PGAM5: variants seen among roughly 807,000 people sequenced by gnomAD.
PGAM5 encodes the protein serine/threonine-protein phosphatase PGAM5, mitochondrial.
Under a neutral mutation model 30.6 loss-of-function variants are expected in PGAM5, and 25 were observed. The observed-to-expected ratio is 0.82, with a 90% CI of 0.60 to 1.14. The LOEUF is 1.14. PGAM5 is among the 50% of genes most tolerant of loss of function. The probability of loss-of-function intolerance (pLI) is 0.00; values close to 1 mark genes in which losing one functional copy is unlikely to be tolerated. For synonymous variants in PGAM5, 201 were observed against 179.1 expected (o/e 1.12, Z -0.98); for missense variants, 384 against 408.5 (o/e 0.94, Z 0.52).
chr12:132,719,804 C>T (rs1006603834), intron 5 of PGAM5, among the ~76,000 whole-genome samples: 2 of 152,168 alleles, frequency 1.3e-5, no homozygotes, highest in Non-Finnish European at 2.9e-5. Flanking sequence ...TGAGACAGGG[C>T]GGTGGGTGGC....
Position 132,718,055 on chromosome 12 carries a change from G to A in PGAM5, c.654G>A (p.Arg218=), listed in dbSNP as rs550969856. 6.2e-7 allele frequency: 1 copy of A among 1,612,866 alleles called. No homozygotes were observed. Among genetic ancestry groups the A allele is most frequent in the East Asian group, 2.2e-5 (1 of 44,836 alleles). Reference sequence around the variant, plus strand: ...ACTACATCCACCGCGCAGATGCCAGGCAGGAGGAGGACAGTTACGAGATCT... The same window carrying A: ...ACTACATCCACCGCGCAGATGCCAGACAGGAGGAGGACAGTTACGAGATCT... ...FRNYIHRADA[R]QEEDSYEIFI... Residue 218 remains arginine, a synonymous_variant, in exon 5 of 6, where the codon AGG becomes AGA. Transcript: ENST00000498926.
intron 4 of PGAM5, 56 bp from the exon 5 acceptor site, chr12:132,717,931 T>C: frequency 1.9e-6 from 3 of 1,607,688 alleles, no homozygotes; most frequent in East Asian, 2.2e-5. Flanking sequence ...TCTGTCCTCC[T>C]GACACCCGCC....
rs772818115 is a variant in PGAM5 at position 132,714,893 on chromosome 12, G to A, written c.227G>A (p.Arg76Lys). 2 of 1,613,634 alleles carry A rather than the reference G, an allele frequency of 1.2e-6. No individual in the cohort carries two copies. The highest frequency in any genetic ancestry group is 1.3e-5 in the African/African-American group (1 of 74,940). ...EPLSLINVRK[R>K]NVESGEEELA... ...CTGTCTCTGATCAACGTGCGGAAGA[G>A]GAACGTGGAATCTGGGGAAGAAGAG... Residue 76 changes from arginine to lysine, a missense_variant, in exon 2 of 6, where the codon AGG (arginine) becomes AAG (lysine). By Grantham distance (26) the Arg-to-Lys change is conservative (BLOSUM62 2). Transcript: ENST00000498926.
chr12:132,715,128 G>T, intron 2 of PGAM5, 92 bp downstream of exon 2: 1 of 1,321,186 alleles, frequency 7.6e-7, no homozygotes, highest in East Asian at 2.5e-5. Context: ...CTGGGTGCAG[G>T]TCCTCCGCCG....
intron 5 of PGAM5, 74 bp from the exon 6 acceptor site, chr12:132,720,604 C>T: frequency 1.4e-6 from 2 of 1,462,634 alleles, no homozygotes; most frequent in Non-Finnish European, 1.8e-6. Flanking sequence ...CCATGCCCGG[C>T]CTAGCTCAGC....
At chr12:132,718,939 C>T in intron 5 of PGAM5, 6 of 1,540,238 alleles carry the variant, frequency 3.9e-6, no homozygotes, top group Non-Finnish European at 5.2e-6. Flanking sequence ...CCTCGGGGGG[C>T]CCTTGTCCCT....
chr12:132,711,496 A>T (rs1247974020), intron 1 of PGAM5: 2 of 152,648 alleles, frequency 1.3e-5, no homozygotes, highest in Non-Finnish European at 2.9e-5. Flanking sequence ...TTTAAACTTA[A>T]CGCAAGCAGG....
chr12:132,720,098 T>TGTCGATCCCAGTCATTGATTCAC (rs2136088109), intron 5 of PGAM5, among the ~76,000 whole-genome samples: 1 of 148,920 alleles, frequency 6.7e-6, no homozygotes, highest in Admixed American at 6.7e-5. Flanking sequence ...GCTCCATTCA[T>TGTCGATCCCAGTCATTGATTCAC]GTCGATCCCA....
In PGAM5 at chr12:132,720,903, C is replaced by A. The variant is rs963886162; in HGVS notation, c.*75C>A. 2 of 1,452,374 alleles carry A rather than the reference C, an allele frequency of 1.4e-6. No individual in the cohort carries two copies. The highest frequency in any genetic ancestry group is 1.8e-6 in the Non-Finnish European group (2 of 1,096,918). The allele number at this position is 1,452,374 out of a possible 1,614,324, so 90.0% of individuals were successfully genotyped here. A position where few individuals can be genotyped will look rare whatever the true frequency, so the allele number is the denominator to read the frequency against. ...CTTAACGTTTTGTTCCCAAGGAGAC[C>A]GGCGGAAAGTAGAAACCTGCAATGC... On this transcript the variant is annotated 3_prime_UTR_variant, in exon 6 of 6. Coordinates refer to ENST00000498926, the MANE Select transcript of PGAM5 (RefSeq NM_001170543.2).
chr12:132,722,134 AG>A lies in PGAM5; in HGVS notation c.*1307del, dbSNP rs1430053314. On this transcript the variant is annotated 3_prime_UTR_variant, in exon 6 of 6. Coordinates refer to ENST00000498926, the MANE Select transcript of PGAM5 (RefSeq NM_001170543.2). ...CTGGTCTCGGCTGAGGTGACACGCT[AG>A]TGACAGCCCAATAGGGGGTTACCCT... 1.3e-5 allele frequency: 2 copies of A among 152,208 alleles called. No individual in the cohort carries two copies. Among genetic ancestry groups the A allele is most frequent in the Admixed American group, 1.3e-4 (2 of 15,294 alleles). The allele number at this position is 152,208 out of a possible 1,614,324, so 9.4% of individuals were successfully genotyped here. A position where few individuals can be genotyped will look rare whatever the true frequency, so the allele number is the denominator to read the frequency against.
intron 5 of PGAM5, chr12:132,718,965 C>T: frequency 1.3e-6 from 2 of 1,492,954 alleles, no homozygotes; most frequent in East Asian, 2.4e-5. Context: ...TGCTCTGGTG[C>T]CCCACTCTCA....
At chr12:132,717,170 C>T (rs1565999306) in intron 2 of PGAM5, among the ~76,000 whole-genome samples, 1 of 152,204 alleles carries the variant, frequency 6.6e-6, no homozygotes. Flanking sequence ...TTGGTGGAAT[C>T]AGATGCATGT....
At chr12:132,719,104 G>T (rs1225062110) in intron 5 of PGAM5, 3 of 1,381,100 alleles carry the variant, frequency 2.2e-6, no homozygotes, top group Non-Finnish European at 2.8e-6. Flanking sequence ...CCAGCTCTAC[G>T]GTTACATGCC....
At chr12:132,715,536 A>C (rs560640555) in intron 2 of PGAM5, among the ~76,000 whole-genome samples, 5 of 139,296 alleles carry the variant, frequency 3.6e-5, no homozygotes, top group South Asian at 2.2e-4. Flanking sequence ...GCACCACTGC[A>C]CTCCAGCCTG....
Position 132,720,984 on chromosome 12 carries a change from A to G in PGAM5, c.*156A>G. On this transcript the variant is annotated 3_prime_UTR_variant, in exon 6 of 6. Transcript: ENST00000498926. ...GAGAAGGGGAGAGTTGGGATCAGAC[A>G]GCCTGACTTCTCTGCAGGGTTTTAT... is the stretch of plus-strand genomic sequence containing the variant. 2 of 939,476 alleles carry G rather than the reference A, an allele frequency of 2.1e-6. No individual in the cohort carries two copies. The highest frequency in any genetic ancestry group is 3.1e-6 in the Non-Finnish European group (2 of 649,786). 58.2% of individuals were successfully genotyped at this position (939,476 alleles called of 1,614,324 possible). A position where few individuals can be genotyped will look rare whatever the true frequency, so the allele number is the denominator to read the frequency against.
At position 132,719,139 on chromosome 12, in the gene PGAM5, A is replaced by G. The variant is rs572765251; in HGVS notation, c.719+1019A>G. ...CTGAAACAGTCAGAAGGGTTGGCCA[A>G]ATCTCACTAAATGCAAATTTGAAAC... On this transcript the variant is annotated intron_variant, in intron 5 of 5. Transcript: ENST00000498926. 6.9e-6 allele frequency: 9 copies of G among 1,304,238 alleles called. No individual in the cohort carries two copies. The South Asian group carries it at 1.5e-4, about 22-fold the overall frequency. 80.8% of individuals were successfully genotyped at this position (1,304,238 alleles called of 1,614,324 possible).
At chr12:132,718,940 C>G (rs1251813192) in intron 5 of PGAM5, 3 of 1,538,408 alleles carry the variant, frequency 2.0e-6, no homozygotes, top group Non-Finnish European at 2.6e-6. Context: ...CTCGGGGGGC[C>G]CTTGTCCCTC....
Position 132,710,845 on chromosome 12 carries a change from CGCCTGCGCGG to C in PGAM5, c.-28_-19del, listed in dbSNP as rs909575734. ...CGCGGAGCGCCGTCGGGGCCGTGGGCGCCTGCGCGGGCCGGCGCGGGAGCAAGCGGCATGG... is the reference window on the plus strand; with the variant it reads ...CGCGGAGCGCCGTCGGGGCCGTGGGCGCCGGCGCGGGAGCAAGCGGCATGG... On this transcript the variant is annotated 5_prime_UTR_variant, in exon 1 of 6. Transcript: ENST00000498926. 28 of 1,101,520 alleles carry C rather than the reference CGCCTGCGCGG, an allele frequency of 2.5e-5. No homozygotes were observed. The highest frequency in any genetic ancestry group is 1.0e-4 in the Admixed American group (2 of 19,506). The allele number at this position is 1,101,520 out of a possible 1,614,324, so 68.2% of individuals were successfully genotyped here. A position where few individuals can be genotyped will look rare whatever the true frequency, so the allele number is the denominator to read the frequency against.
chr12:132,717,647 G>A lies in PGAM5; in HGVS notation c.497-63G>A, dbSNP rs2043594739. The A allele has an allele frequency of 2.5e-6, 4 of 1,586,912 alleles. No homozygotes were observed. The South Asian group carries it at 3.4e-5, about 13-fold the overall frequency. ...CCCGGCCTGAGCTCCTGGCCACCGGGAGGTCACAGCATCTCCGCCGGCGGG... is the reference window on the plus strand; with the variant it reads ...CCCGGCCTGAGCTCCTGGCCACCGGAAGGTCACAGCATCTCCGCCGGCGGG... On this transcript the variant is annotated intron_variant, in intron 3 of 5. Transcript: ENST00000498926.
Sources: allele counts gnomAD v4.1 joint callset (sites outside exome capture counted in the v4.1 genomes callset), GRCh38; gene constraint gnomAD v4.1.1; transcripts MANE v1.5; gene names NCBI Gene and HGNC (gene_info 2026-07-23, HGNC 2026-07-21).